SOX8: variants seen among roughly 807,000 people sequenced by gnomAD.
SOX8 encodes the protein SRY-box transcription factor 8.
Under a neutral mutation model 22.9 loss-of-function variants are expected in SOX8, and 9 were observed. The observed-to-expected ratio is 0.39, with a 90% CI of 0.24 to 0.69. The LOEUF is 0.69. Ranked by LOEUF, SOX8 falls within the 30% of genes least tolerant of loss-of-function variation. The probability of loss-of-function intolerance (pLI) is 0.43; values close to 1 mark genes in which losing one functional copy is unlikely to be tolerated. For missense variants in SOX8, 734 were observed against 699.4 expected (o/e 1.05, Z -0.56); for synonymous variants, 416 against 330.6 (o/e 1.26, Z -2.80).
intron 2 of SOX8, among the ~76,000 whole-genome samples, 197 bp downstream of exon 2, chr16:984,157 C>T (rs1457647942): frequency 1.3e-5 from 2 of 152,238 alleles, no homozygotes; most frequent in Non-Finnish European, 2.9e-5. Flanking sequence ...GCTTAGCCAC[C>T]TTGAGTGCTG....
In SOX8 at chr16:981,992, C is replaced by T; in HGVS notation, c.70C>T (p.His24Tyr). ...SPSGTASSMS[H>Y]VEDSDSDAPP... ...GTCCGGCACCGCCAGCTCCATGTCG[C>T]ACGTGGAGGACTCGGACTCGGACGC... Residue 24 changes from histidine to tyrosine, a missense_variant, in exon 1 of 3, where the codon CAC becomes TAC. Coordinates refer to ENST00000293894, the MANE Select transcript of SOX8 (RefSeq NM_014587.5). 2.1e-6 allele frequency: 3 copies of T among 1,446,064 alleles called. No individual in the cohort carries two copies. The highest frequency in any genetic ancestry group is 2.7e-5 in the South Asian group (2 of 75,030). The allele number at this position is 1,446,064 out of a possible 1,614,324, so 89.6% of individuals were successfully genotyped here.
At position 981,933 on chromosome 16, in the gene SOX8, T is replaced by C. The variant is rs1446766227; in HGVS notation, c.11T>C (p.Met4Thr). 10 of 1,374,318 alleles carry C rather than the reference T, an allele frequency of 7.3e-6. No individual in the cohort carries two copies. The highest frequency in any genetic ancestry group is 3.0e-5 in the African/African-American group (2 of 65,688). 85.1% of individuals were successfully genotyped at this position (1,374,318 alleles called of 1,614,324 possible). The change falls in exon 1 of 3, where the codon ATG becomes ACG. Residue 4 changes from methionine to threonine, a missense_variant. Physicochemically the swap from Met to Thr is moderately conservative, Grantham distance 81. Transcript: ENST00000293894. ...CCGCGCGCGGCCCCGATGCTGGACA[T>C]GAGCGAGGCCCGCTCCCAGCCGCCC... MLD[M>T]SEARSQPPCS...
chr16:983,953 C>T lies in SOX8; in HGVS notation c.648C>T (p.Asp216=), dbSNP rs1278447913. The stretch of plus-strand genomic sequence containing the variant: ...TTGGAGATGGGCACCACCATGGCGA[C>T]CACACAGGTGGGCTCCAGGCCCCCC... The part of the protein sequence containing the change: ...AGLGDGHHHG[D]HTGQTHGPPT... Residue 216 remains aspartate (D), a synonymous_variant, in exon 2 of 3, where the codon GAC becomes GAT. Coordinates refer to ENST00000293894, the MANE Select transcript of SOX8 (RefSeq NM_014587.5). 6 of 1,532,258 alleles carry T rather than the reference C, an allele frequency of 3.9e-6. No homozygotes were observed. In the East Asian group the frequency reaches 1.5e-4, roughly 38 times the overall value. 94.9% of individuals were successfully genotyped at this position (1,532,258 alleles called of 1,614,324 possible).
intron 1 of SOX8, 128 bp from the exon 2 acceptor site, chr16:983,600 G>C (rs1164931075): frequency 8.9e-6 from 7 of 786,968 alleles, no homozygotes; most frequent in Admixed American, 5.8e-5. Context: ...CGGAGCGCAC[G>C]GCAGGCGGGT....
intron 2 of SOX8, among the ~76,000 whole-genome samples, chr16:984,463 C>A (rs1207059517): frequency 3.3e-5 from 5 of 152,236 alleles, no homozygotes; most frequent in Non-Finnish European, 7.3e-5. Context: ...CTTCCCCCCA[C>A]CTTGGTCTCT....
Position 982,305 on chromosome 16 carries a change from A to C in SOX8, c.383A>C (p.His128Pro), listed in dbSNP as rs1299019530. The C allele has an allele frequency of 2.1e-6, 3 of 1,455,942 alleles. No homozygotes were observed. The allele number at this position is 1,455,942 out of a possible 1,614,324, so 90.2% of individuals were successfully genotyped here. ...CTGGCCGACCAGTACCCGCACCTGC[A>C]CAACGCCGAGCTCAGCAAGACGCTG... is the stretch of plus-strand genomic sequence containing the variant. The part of the protein sequence containing the change: ...RKLADQYPHL[H>P]NAELSKTLGK... Residue 128 changes from histidine to proline, a missense_variant, in exon 1 of 3, where the codon CAC becomes CCC. His to Pro is a moderately conservative substitution (Grantham distance 77). This residue lies in a region of SOX8 where 588 missense variants were observed against 568.2 expected (regional missense o/e 1.03). Transcript: ENST00000293894.
In SOX8 at chr16:985,341, C is replaced by A; in HGVS notation, c.1296C>A (p.Thr432=). The A allele has an allele frequency of 6.3e-7, 1 of 1,592,666 alleles. No individual in the cohort carries two copies. The highest frequency in any genetic ancestry group is 1.1e-5 in the South Asian group (1 of 89,438). The part of the protein sequence containing the change: ...GLALPPAHSP[T]SHWDQPVYTT... ...CCCTGCCGCCCGCCCACAGCCCCAC[C>A]AGTCACTGGGACCAGCCGGTGTACA... Residue 432 remains threonine, a synonymous_variant, in exon 3 of 3, where the codon ACC becomes ACA. Coordinates refer to ENST00000293894, the MANE Select transcript of SOX8 (RefSeq NM_014587.5).
chr16:982,387 G>A (rs1293210987), intron 1 of SOX8, 43 bp downstream of exon 1: 3 of 1,302,466 alleles, frequency 2.3e-6, no homozygotes, highest in East Asian at 3.1e-5. Context: ...GACCTTGGCC[G>A]CCCCTGGTCT....
intron 1 of SOX8, 143 bp downstream of exon 1, chr16:982,487 A>C (rs1191172209): frequency 2.2e-6 from 2 of 930,210 alleles, no homozygotes; most frequent in East Asian, 3.3e-5. Flanking sequence ...GGCGGGTGTC[A>C]GGGCGGGTCC....
At chr16:984,374 G>C (rs1338462755) in intron 2 of SOX8, among the ~76,000 whole-genome samples, 1 of 152,180 alleles carries the variant, frequency 6.6e-6, no homozygotes, top group South Asian at 2.1e-4. Context: ...TGCTTGGCTG[G>C]CCCGGGGAGG....
rs918186064 is a variant in SOX8 at position 985,638 on chromosome 16, G to A, written c.*252G>A. 5.4e-5 allele frequency: 26 copies of A among 485,406 alleles called. No homozygotes were observed. The highest frequency in any genetic ancestry group is 3.4e-4 in the East Asian group (10 of 29,302). 30.1% of individuals were successfully genotyped at this position (485,406 alleles called of 1,614,324 possible). ...GATTATTCCACAAAGAAGGGCTGCC[G>A]TTTGGTCCCTCTTCCGTGAGGACTG... On this transcript the variant is annotated 3_prime_UTR_variant, in exon 3 of 3. Transcript: ENST00000293894.
rs758082248 is a variant in SOX8 at position 985,020 on chromosome 16, C to T, written c.975C>T (p.Ser325=). The change falls in exon 3 of 3, where the codon TCC becomes TCT. Residue 325 remains serine, a synonymous_variant. Transcript: ENST00000293894. ...CCCACAAGAGTGCCCCGTCGGCCTCCGCGTCGCCCACCGAGACGGGTCCCC... is the reference window on the plus strand; with the variant it reads ...CCCACAAGAGTGCCCCGTCGGCCTCTGCGTCGCCCACCGAGACGGGTCCCC... ...VWAHKSAPSA[S]ASPTETGPPR... 111 of 1,514,790 alleles carry T rather than the reference C, an allele frequency of 7.3e-5. No individual in the cohort carries two copies. In the African/African-American group the frequency reaches 7.9e-4, roughly 11 times the overall value. 93.8% of individuals were successfully genotyped at this position (1,514,790 alleles called of 1,614,324 possible). A position where few individuals can be genotyped will look rare whatever the true frequency, so the allele number is the denominator to read the frequency against.
Position 985,248 on chromosome 16 carries a change from C to T in SOX8, c.1203C>T (p.Gly401=), listed in dbSNP as rs59101954. 1.2e-3 allele frequency: 1,952 copies of T among 1,612,146 alleles called. 20 individuals carry two copies. In the African/African-American group the frequency reaches 0.022, roughly 18 times the overall value. ...GTGCCTACCCTGGCTACGCACCCGG[C>T]CTCTACCAGTACCCCTGCTTCCACT... ...YYGAYPGYAP[G]LYQYPCFHSP... The change falls in exon 3 of 3, where the codon GGC becomes GGT. Residue 401 remains glycine, a synonymous_variant. Transcript: ENST00000293894.
At chr16:982,647 G>C (rs1007293019) in intron 1 of SOX8, 146 of 309,982 alleles carry the variant, frequency 4.7e-4, no homozygotes, top group Non-Finnish European at 7.6e-4. Context: ...GGAGGGCCAT[G>C]GCTGGCACCC....
In SOX8 at chr16:982,292, T is replaced by C. The variant is rs766035055; in HGVS notation, c.370T>C (p.Tyr124His). The C allele has an allele frequency of 2.5e-5, 38 of 1,504,766 alleles. No individual in the cohort carries two copies. The highest frequency in any genetic ancestry group is 1.9e-4 in the Admixed American group (9 of 47,044). 93.2% of individuals were successfully genotyped at this position (1,504,766 alleles called of 1,614,324 possible). A position where few individuals can be genotyped will look rare whatever the true frequency, so the allele number is the denominator to read the frequency against. The change falls in exon 1 of 3, where the codon TAC (tyrosine) becomes CAC (histidine). Residue 124 changes from tyrosine to histidine, a missense_variant. By Grantham distance (83) the Tyr-to-His change is moderately conservative. Coordinates refer to ENST00000293894, the MANE Select transcript of SOX8 (RefSeq NM_014587.5). ...QAARRKLADQ[Y>H]PHLHNAELSK... ...GGCGCGCCGCAAGCTGGCCGACCAG[T>C]ACCCGCACCTGCACAACGCCGAGCT... is the stretch of plus-strand genomic sequence containing the variant.
Position 981,858 on chromosome 16 carries a change from A to G in SOX8, c.-65A>G. On this transcript the variant is annotated 5_prime_UTR_variant, in exon 1 of 3. Coordinates refer to ENST00000293894, the MANE Select transcript of SOX8 (RefSeq NM_014587.5). ...CGACCTCGGGTCCCGGAGCGACCGC[A>G]GGGCAGCCCCGGGCGCCGGCCCCGG... 1 of 1,020,900 alleles carries G rather than the reference A, an allele frequency of 9.8e-7. No homozygotes were observed. The highest frequency in any genetic ancestry group is 1.2e-6 in the Non-Finnish European group (1 of 833,010). The allele number at this position is 1,020,900 out of a possible 1,614,324, so 63.2% of individuals were successfully genotyped here. A position where few individuals can be genotyped will look rare whatever the true frequency, so the allele number is the denominator to read the frequency against.
At chr16:984,459 C>T (rs558149429) in intron 2 of SOX8, among the ~76,000 whole-genome samples, 1 of 152,352 alleles carries the variant, frequency 6.6e-6, no homozygotes, top group African/African-American at 2.4e-5. Flanking sequence ...GCTTCTTCCC[C>T]CCACCTTGGT....
chr16:985,561 C>T lies in SOX8; in HGVS notation c.*175C>T. On this transcript the variant is annotated 3_prime_UTR_variant, in exon 3 of 3. Transcript: ENST00000293894. ...CGGCCTCCAGATGGCCACACCTCTG[C>T]CGACGACGGACCAGCTCCCTCTCCC... The T allele has an allele frequency of 1.8e-6, 1 of 556,636 alleles. No individual in the cohort carries two copies. Among genetic ancestry groups the T allele is most frequent in the Non-Finnish European group, 3.1e-6 (1 of 319,924 alleles). The allele number at this position is 556,636 out of a possible 1,614,324, so 34.5% of individuals were successfully genotyped here.
chr16:982,206 C>A lies in SOX8; in HGVS notation c.284C>A (p.Ala95Glu). The change falls in exon 1 of 3, where the codon GCG (alanine) becomes GAG (glutamate). Residue 95 changes from alanine (A) to glutamate (E), a missense_variant. Around this residue, in one of 3 missense-constraint regions of SOX8, gnomAD observed 588 missense variants for 568.2 expected, o/e 1.03. Coordinates refer to ENST00000293894, the MANE Select transcript of SOX8 (RefSeq NM_014587.5). Reference protein sequence around the residue: ...PMPVRGGGGGALKAKPHVKRP... With the variant: ...PMPVRGGGGGELKAKPHVKRP... ...CCGGTGCGCGGCGGCGGCGGCGGCG[C>A]GCTCAAAGCCAAGCCGCATGTGAAG... The A allele has an allele frequency of 6.6e-7, 1 of 1,517,396 alleles. No individual in the cohort carries two copies. Among genetic ancestry groups the A allele is most frequent in the Admixed American group, 2.1e-5 (1 of 48,590 alleles). The allele number at this position is 1,517,396 out of a possible 1,614,324, so 94.0% of individuals were successfully genotyped here.
Sources: allele counts gnomAD v4.1 joint callset (sites outside exome capture counted in the v4.1 genomes callset), GRCh38; gene constraint gnomAD v4.1.1; regional missense constraint gnomAD v4.1.1; transcripts MANE v1.5; gene names NCBI Gene and HGNC (gene_info 2026-07-23, HGNC 2026-07-21).